L3MBTL3: variants seen among roughly 807,000 people sequenced by gnomAD.
L3MBTL3 encodes the protein L3MBTL histone methyl-lysine binding protein 3, also known as lethal(3)malignant brain tumor-like protein 3.
L3MBTL3 carries 27 observed loss-of-function variants against 102.3 expected under a neutral mutation model. The observed-to-expected ratio is 0.26, with a 90% CI of 0.19 to 0.36. The LOEUF (loss-of-function observed/expected upper bound fraction) is 0.36. Among genes scored for constraint, L3MBTL3 ranks in the 10% least tolerant of loss-of-function variants. The pLI is 1.00. For missense variants in L3MBTL3, 798 were observed against 955.3 expected (o/e 0.84, Z 2.17); for synonymous variants, 340 against 320.9 (o/e 1.06, Z -0.64).
At chr6:130,115,016 G>A (rs1785573446) in intron 19 of L3MBTL3, among the ~76,000 whole-genome samples, 1 of 150,282 alleles carries the variant, frequency 6.7e-6, no homozygotes, top group South Asian at 2.1e-4. Context: ...TTTTACCTGC[G>A]AGTAAGTCAC....
intron 2 of L3MBTL3, among the ~76,000 whole-genome samples, chr6:130,038,558 G>T (rs1278573921): frequency 6.6e-6 from 1 of 151,966 alleles, no homozygotes; most frequent in East Asian, 1.9e-4. Flanking sequence ...TTGGCCATTT[G>T]TATGTCCCCT....
intron 2 of L3MBTL3, among the ~76,000 whole-genome samples, chr6:130,034,950 G>C (rs374516687): frequency 3.9e-5 from 6 of 152,192 alleles, no homozygotes; most frequent in East Asian, 1.9e-4. Context: ...TCCATCTGTT[G>C]AGCTGATGAA....
At chr6:130,085,477 C>T (rs1467437200) in intron 15 of L3MBTL3, among the ~76,000 whole-genome samples, 3 of 152,114 alleles carry the variant, frequency 2.0e-5, no homozygotes, top group Non-Finnish European at 4.4e-5. Flanking sequence ...TTTGCCAGTA[C>T]ACCTCCAAAT....
chr6:130,121,233 C>G (rs942376458), intron 20 of L3MBTL3, among the ~76,000 whole-genome samples: 1 of 152,106 alleles, frequency 6.6e-6, no homozygotes, highest in Non-Finnish European at 1.5e-5. Context: ...TCCTGGCCTC[C>G]CCTGGCAAGT....
chr6:130,073,804 T>C (rs192465242), intron 13 of L3MBTL3, among the ~76,000 whole-genome samples: 1 of 152,198 alleles, frequency 6.6e-6, no homozygotes, highest in East Asian at 1.9e-4. Flanking sequence ...AAGAAAAAAA[T>C]TGATCTCTTT....
At chr6:130,137,095 A>T (rs769885211) in intron 22 of L3MBTL3, among the ~76,000 whole-genome samples, 50 of 152,230 alleles carry the variant, frequency 3.3e-4, no homozygotes, top group Admixed American at 1.4e-3. Flanking sequence ...GGAATATAAT[A>T]GACATTCAGT....
At chr6:130,086,983 A>T (rs562038386) in intron 16 of L3MBTL3, among the ~76,000 whole-genome samples, 1 of 152,342 alleles carries the variant, frequency 6.6e-6, no homozygotes, top group South Asian at 2.1e-4. Context: ...ATATTATTTA[A>T]CATTTGTGGG....
intron 14 of L3MBTL3, 116 bp downstream of exon 14, chr6:130,078,750 T>C (rs1217656317): frequency 3.1e-6 from 2 of 645,102 alleles, no homozygotes; most frequent in Non-Finnish European, 5.5e-6. Context: ...CAGTTTTCTG[T>C]CACCACTACT....
intron 22 of L3MBTL3, among the ~76,000 whole-genome samples, chr6:130,135,092 A>G (rs1256795328): frequency 7.2e-6 from 1 of 139,592 alleles, no homozygotes; most frequent in African/African-American, 2.8e-5. Flanking sequence ...TTTTTTTTTA[A>G]ATCGAGATGG....
intron 19 of L3MBTL3, among the ~76,000 whole-genome samples, chr6:130,110,619 A>G (rs1003566737): frequency 3.9e-5 from 6 of 152,228 alleles, no homozygotes; most frequent in Non-Finnish European, 5.9e-5. Context: ...TTTTCTAAAT[A>G]TACAATCATG....
chr6:130,086,716 TA>T (rs1783712853), intron 16 of L3MBTL3, among the ~76,000 whole-genome samples: 1 of 152,268 alleles, frequency 6.6e-6, no homozygotes, highest in South Asian at 2.1e-4. Flanking sequence ...AAATGCCTCT[TA>T]AAAAGTAAGC....
At chr6:130,037,141 T>C (rs1780114618) in intron 2 of L3MBTL3, among the ~76,000 whole-genome samples, 1 of 152,214 alleles carries the variant, frequency 6.6e-6, no homozygotes, top group African/African-American at 2.4e-5. Context: ...CTTACAAAAG[T>C]ATGTATTGTG....
At chr6:130,046,867 G>T (rs943187660) in intron 3 of L3MBTL3, among the ~76,000 whole-genome samples, 3 of 152,182 alleles carry the variant, frequency 2.0e-5, no homozygotes, top group African/African-American at 4.8e-5. Context: ...GTTAGGAAAT[G>T]TATCAGTCTT....
intron 7 of L3MBTL3, among the ~76,000 whole-genome samples, chr6:130,053,794 G>C (rs1309426611): frequency 6.6e-6 from 1 of 152,174 alleles, no homozygotes; most frequent in Non-Finnish European, 1.5e-5. Flanking sequence ...GGAACTTTGA[G>C]ATCTGGAAGT....
chr6:130,031,055 G>A (rs1779691460), intron 2 of L3MBTL3, among the ~76,000 whole-genome samples: 1 of 152,122 alleles, frequency 6.6e-6, no homozygotes, highest in Admixed American at 6.5e-5. Flanking sequence ...ATTAGTGGCT[G>A]CGTATTTCTC....
chr6:130,068,362 T>C lies in L3MBTL3; in HGVS notation c.1033T>C (p.Tyr345His). 1.2e-6 allele frequency: 2 copies of C among 1,603,622 alleles called. No homozygotes were observed. Among genetic ancestry groups the C allele is most frequent in the East Asian group, 2.2e-5 (1 of 44,664 alleles). The part of the protein sequence containing the change: ...YKEEEFNWQT[Y>H]LKTCKAQAAP... ...AGAAGAAGAATTCAATTGGCAGACC[T>C]ATCTTAAGACATGTAAAGCTCAAGC... Residue 345 changes from tyrosine (Y) to histidine (H), a missense_variant, in exon 12 of 23, where the codon TAT becomes CAT. Transcript: ENST00000361794.
intron 18 of L3MBTL3, among the ~76,000 whole-genome samples, chr6:130,102,101 G>GA (rs138591198): frequency 6.8e-5 from 10 of 146,246 alleles, no homozygotes; most frequent in South Asian, 6.6e-4. Context: ...ATCTCAGGGG[G>GA]AAAAAAAAAA....
intron 22 of L3MBTL3, chr6:130,138,523 A>G (rs1787952909): frequency 6.6e-6 from 1 of 152,160 alleles, no homozygotes. Flanking sequence ...TCATAATTGG[A>G]TTAGGCACCC....
At chr6:130,042,104 G>A (rs1318931359) in intron 2 of L3MBTL3, among the ~76,000 whole-genome samples, 3 of 152,128 alleles carry the variant, frequency 2.0e-5, no homozygotes, top group Admixed American at 2.0e-4. Context: ...TAGAACAACA[G>A]TATCAATACC....
Sources: allele counts gnomAD v4.1 joint callset (sites outside exome capture counted in the v4.1 genomes callset), GRCh38; gene constraint gnomAD v4.1.1; transcripts MANE v1.5; gene names NCBI Gene and HGNC (gene_info 2026-07-23, HGNC 2026-07-21).